FAM13A: variants seen among roughly 807,000 people sequenced by gnomAD.
FAM13A encodes family with sequence similarity 13 member A.
In FAM13A, 76 loss-of-function variants were observed where a neutral mutation model predicts 129.6. That is an observed-to-expected ratio of 0.59 (90% CI 0.49 to 0.71). FAM13A has a LOEUF of 0.71. FAM13A is among the 30% of genes least tolerant of loss of function. FAM13A has a pLI of 0.00. For missense variants in FAM13A, 1,108 were observed against 1,249.3 expected, an observed-to-expected ratio of 0.89 and a Z score of 1.70; for synonymous variants, 443 against 449.9, an observed-to-expected ratio of 0.98 and a Z score of 0.20.
At chr4:88,839,094 T>C (rs1393756974) in intron 7 of FAM13A, among the ~76,000 whole-genome samples, 1 of 152,224 alleles carries the variant, frequency 6.6e-6, no homozygotes, top group African/African-American at 2.4e-5. Context: ...TTTTGTTTTA[T>C]TTTTGACATT....
At chr4:88,949,108 C>A (rs1300727206) in intron 4 of FAM13A, among the ~76,000 whole-genome samples, 1 of 152,154 alleles carries the variant, frequency 6.6e-6, no homozygotes, top group East Asian at 1.9e-4. Context: ...TGCTATTCAA[C>A]ATATTAGTTA....
chr4:88,845,572 C>T lies in FAM13A; in HGVS notation c.1007+5448G>A, dbSNP rs139072211. ...GAATTTTCAAGAATCTGTGAAGCAC[C>T]ACAATACATTTACTATAATGAATTA... is the stretch of plus-strand genomic sequence containing the variant. On this transcript the variant is annotated intron_variant, in intron 7 of 23. Transcript: ENST00000264344. Among the ~76,000 whole-genome samples the T allele has an allele frequency of 2.4e-3, 362 of 151,990 alleles. 2 individuals carry two copies. Among genetic ancestry groups the T allele is most frequent in the Middle Eastern group, 0.017 (5 of 294 alleles).
chr4:88,913,141 A>T (rs996779346), intron 5 of FAM13A, among the ~76,000 whole-genome samples: 1 of 143,628 alleles, frequency 7.0e-6, no homozygotes, highest in African/African-American at 2.6e-5. Flanking sequence ...AGGAAGAGGA[A>T]GAGGAAGAAG....
chr4:88,905,000 A>T (rs1238380946), intron 6 of FAM13A, among the ~76,000 whole-genome samples: 3 of 152,182 alleles, frequency 2.0e-5, no homozygotes, highest in African/African-American at 7.2e-5. Flanking sequence ...TTTATTTAAA[A>T]AAATTACAGC....
chr4:88,843,742 C>T (rs938970155), intron 7 of FAM13A, among the ~76,000 whole-genome samples: 5 of 152,234 alleles, frequency 3.3e-5, no homozygotes, highest in Non-Finnish European at 7.3e-5. Flanking sequence ...ACAAGTGTCA[C>T]AAGGCACAAA....
intron 3 of FAM13A, among the ~76,000 whole-genome samples, chr4:89,008,663 C>T (rs973530824): frequency 1.3e-5 from 2 of 152,132 alleles, no homozygotes; most frequent in African/African-American, 4.8e-5. Context: ...AAGTAACTTG[C>T]CCTCACTGAG....
intron 14 of FAM13A, among the ~76,000 whole-genome samples, chr4:88,750,846 G>A (rs1043403496): frequency 2.6e-5 from 4 of 152,188 alleles, no homozygotes; most frequent in African/African-American, 4.8e-5. Flanking sequence ...TCTACCTCTC[G>A]TTTCCATTCT....
intron 7 of FAM13A, among the ~76,000 whole-genome samples, chr4:88,836,583 T>G (rs1019564466): frequency 6.6e-6 from 1 of 152,244 alleles, no homozygotes; most frequent in African/African-American, 2.4e-5. Context: ...CTTCTATTAA[T>G]ATTAAGCCAG....
At chr4:88,750,160 C>T (rs532108770) in intron 15 of FAM13A, among the ~76,000 whole-genome samples, 11 of 152,294 alleles carry the variant, frequency 7.2e-5, no homozygotes, top group African/African-American at 2.6e-4. Flanking sequence ...GGACATCAAC[C>T]TTTCCTGTGG....
intron 5 of FAM13A, 39 bp downstream of exon 5, chr4:88,938,049 A>G (rs146361733): frequency 6.5e-7 from 1 of 1,533,138 alleles, no homozygotes; most frequent in African/African-American, 1.4e-5. Flanking sequence ...TCTGTCCAAA[A>G]TTATAGCAAT....
chr4:89,046,640 A>G (rs1306555460), intron 1 of FAM13A, among the ~76,000 whole-genome samples: 2 of 152,158 alleles, frequency 1.3e-5, no homozygotes, highest in Non-Finnish European at 2.9e-5. Flanking sequence ...GCTTGAGCCC[A>G]GGAGTGCAAG....
intron 1 of FAM13A, among the ~76,000 whole-genome samples, chr4:89,047,969 A>C (rs1771081992): frequency 6.6e-6 from 1 of 152,222 alleles, no homozygotes; most frequent in Non-Finnish European, 1.5e-5. Flanking sequence ...GGTTATAAGA[A>C]AAAAACTAAC....
intron 7 of FAM13A, among the ~76,000 whole-genome samples, chr4:88,822,431 A>T (rs3775375): frequency 0.58 from 87,761 of 152,072 alleles, 26,999 homozygotes; most frequent in East Asian, 0.8. Context: ...AAGCAGTTTT[A>T]AAAAATGCTA....
At chr4:88,758,936 T>C in intron 13 of FAM13A, 35 bp from the exon 14 acceptor site, 1 of 1,600,720 alleles carries the variant, frequency 6.2e-7, no homozygotes, top group Non-Finnish European at 8.5e-7. Flanking sequence ...AAATATCTAC[T>C]GCTCACCAAA....
chr4:88,823,131 C>T (rs563938486), intron 7 of FAM13A: 2 of 1,508,748 alleles, frequency 1.3e-6, no homozygotes, highest in African/African-American at 2.8e-5. Context: ...CACCGCACGG[C>T]TGGAGAAACA....
chr4:88,731,316 A>G lies in FAM13A; in HGVS notation c.2945+11T>C. 6.6e-7 allele frequency: 1 copy of G among 1,515,594 alleles called. No homozygotes were observed. Among genetic ancestry groups the G allele is most frequent in the Non-Finnish European group, 9.1e-7 (1 of 1,097,406 alleles). 93.9% of individuals were successfully genotyped at this position (1,515,594 alleles called of 1,614,324 possible). A position where few individuals can be genotyped will look rare whatever the true frequency, so the allele number is the denominator to read the frequency against. ...GGGGGGGAAGGGAGGGTGGGGGAAG[A>G]CAGGCACTACCTTCCATTCTGTCTG... is the stretch of plus-strand genomic sequence containing the variant. On this transcript the variant is annotated intron_variant, in intron 23 of 23. Coordinates refer to ENST00000264344, the MANE Select transcript of FAM13A (RefSeq NM_014883.4).
intron 5 of FAM13A, among the ~76,000 whole-genome samples, chr4:88,917,214 T>C (rs1750259834): frequency 6.6e-6 from 1 of 152,238 alleles, no homozygotes. Context: ...CATCTGCATA[T>C]GGTGAGTGCC....
chr4:88,781,891 A>C (rs571481736), intron 10 of FAM13A, among the ~76,000 whole-genome samples: 1 of 151,666 alleles, frequency 6.6e-6, no homozygotes, highest in South Asian at 2.1e-4. Flanking sequence ...CCTAATGCTA[A>C]ATGACGAGTT....
intron 6 of FAM13A, among the ~76,000 whole-genome samples, chr4:88,878,287 C>CAAAAAAAAAAAAA (rs56067813): frequency 1.6e-5 from 1 of 61,076 alleles, no homozygotes; most frequent in African/African-American, 7.3e-5. Context: ...GACTCCATCT[C>CAAAAAAAAAAAAA]AAAAAAAAAA....
Sources: gnomAD v4.1 joint callset for allele counts (sites outside exome capture counted in the v4.1 genomes callset) on GRCh38, gnomAD v4.1.1 for gene constraint, MANE v1.5 for transcripts, NCBI Gene and HGNC (gene_info 2026-07-23, HGNC 2026-07-21) for gene names.